The following RIPOR2 variants were observed in gnomAD, a reference collection of about 807,000 sequenced individuals.
RIPOR2 encodes the protein RHO family interacting cell polarization regulator 2.
A neutral mutation model predicts 114.5 loss-of-function variants in RIPOR2; 39 were observed. The ratio of observed to expected loss-of-function variants is 0.34; its 90% confidence interval spans 0.26 to 0.44. The LOEUF is 0.44. Ranked by LOEUF, RIPOR2 falls within the 20% of genes least tolerant of loss-of-function variation. RIPOR2 has a pLI of 1.00. For missense variants in RIPOR2, 1,007 were observed against 1,255.1 expected (o/e 0.80, Z 2.99); for synonymous variants, 445 against 484.4 (o/e 0.92, Z 1.07).
Position 25,023,803 on chromosome 6 carries a change from C to G in RIPOR2, c.76+18048G>C, listed in dbSNP as rs1180884622. On this transcript the variant is annotated intron_variant, in intron 1 of 13. Coordinates refer to the RIPOR2 transcript ENST00000510784. ...TGACGTTGGTCACCTTCACGGGGAC[C>G]CCTTTTTTAACTCGATCTCGAGGAT... is the stretch of plus-strand genomic sequence containing the variant. 5.2e-6 allele frequency: 4 copies of G among 771,246 alleles called. No homozygotes were observed. The East Asian group carries it at 9.9e-5, about 19-fold the overall frequency. The allele number at this position is 771,246 out of a possible 1,614,324, so 47.8% of individuals were successfully genotyped here.
intron 4 of RIPOR2, 73 bp downstream of exon 4, chr6:24,872,808 G>T: frequency 2.0e-6 from 2 of 991,786 alleles, no homozygotes; most frequent in Non-Finnish European, 3.2e-6. Flanking sequence ...TTCCTCCCCA[G>T]CCCCATCCAG....
At chr6:24,834,957 C>G (rs781241709) in intron 15 of RIPOR2, among the ~76,000 whole-genome samples, 13 of 152,192 alleles carry the variant, frequency 8.5e-5, no homozygotes, top group Non-Finnish European at 1.8e-4. Context: ...CATTCTCTTC[C>G]TGTTCCACAT....
chr6:24,908,612 C>A (rs1389202493), intron 1 of RIPOR2, among the ~76,000 whole-genome samples: 1 of 152,122 alleles, frequency 6.6e-6, no homozygotes, highest in Non-Finnish European at 1.5e-5. Context: ...ACTTTAGTGA[C>A]CTCAGATTTA....
At chr6:24,895,783 G>T (rs756072829) in intron 1 of RIPOR2, among the ~76,000 whole-genome samples, 1 of 152,130 alleles carries the variant, frequency 6.6e-6, no homozygotes, top group Non-Finnish European at 1.5e-5. Context: ...GAGGTCAGGA[G>T]ATCAAGACCA....
At chr6:25,025,663 C>G (rs1019654788) in intron 1 of RIPOR2, among the ~76,000 whole-genome samples, 6 of 152,080 alleles carry the variant, frequency 3.9e-5, no homozygotes, top group Non-Finnish European at 8.8e-5. Context: ...CTTGAGAAAA[C>G]CATACAAATT....
chr6:24,858,700 C>G lies in RIPOR2; in HGVS notation c.715+2273G>C, dbSNP rs1314852707. Among the ~76,000 whole-genome samples, 1 of 152,084 alleles carries G rather than the reference C, an allele frequency of 6.6e-6. No individual in the cohort carries two copies. The highest frequency in any genetic ancestry group is 2.4e-5 in the African/African-American group (1 of 41,408). On this transcript the variant is annotated intron_variant, in intron 8 of 21. Transcript: ENST00000643898. This position sits in a 1 kb window ranked among gnomAD's most constrained non-coding sequence, Gnocchi z 4.0. ...GCCTGAGAAACCCCATGGAAGAAAC[C>G]AAGCGTTCAGGTGGACTCTCAGGAA...
chr6:24,887,665 C>G (rs955279356), intron 1 of RIPOR2, among the ~76,000 whole-genome samples: 1 of 152,050 alleles, frequency 6.6e-6, no homozygotes, highest in Non-Finnish European at 1.5e-5. Flanking sequence ...CAGCAGAGTA[C>G]GTTGAAGCTA....
chr6:25,014,694 G>C (rs907926617), intron 1 of RIPOR2, among the ~76,000 whole-genome samples: 2 of 152,138 alleles, frequency 1.3e-5, no homozygotes, highest in African/African-American at 4.8e-5. Flanking sequence ...CAGCAGTAGT[G>C]GGAAGGACAA....
At chr6:24,977,092 AG>A in intron 1 of RIPOR2, 1 of 1,110,346 alleles carries the variant, frequency 9.0e-7, no homozygotes, top group Non-Finnish European at 1.3e-6. Flanking sequence ...CTCTTGCTGC[AG>A]TTCCCTTTGG....
intron 1 of RIPOR2, among the ~76,000 whole-genome samples, chr6:24,967,565 G>A (rs576773397): frequency 2.0e-5 from 3 of 152,122 alleles, no homozygotes; most frequent in African/African-American, 7.2e-5. Flanking sequence ...TGCCCTGGGT[G>A]CATTTCCCAT....
intron 15 of RIPOR2, 21 bp downstream of exon 15, chr6:24,835,682 C>A: frequency 1.3e-6 from 2 of 1,548,024 alleles, no homozygotes; most frequent in African/African-American, 1.4e-5. Context: ...ATCTCAAACA[C>A]AAATTCATCG....
At chr6:24,981,417 T>C (rs928465647) in intron 1 of RIPOR2, among the ~76,000 whole-genome samples, 2 of 152,200 alleles carry the variant, frequency 1.3e-5, no homozygotes, top group Admixed American at 1.3e-4. Context: ...GGAAAGGCTT[T>C]CTCTCTCCAC....
At chr6:24,964,169 G>GTGTT (rs1773425784) in intron 1 of RIPOR2, among the ~76,000 whole-genome samples, 1 of 151,868 alleles carries the variant, frequency 6.6e-6, no homozygotes. Context: ...GTGTGTGTGT[G>GTGTT]TGTGTGTGTG....
At chr6:24,932,786 C>T (rs1771503763) in intron 1 of RIPOR2, among the ~76,000 whole-genome samples, 1 of 152,194 alleles carries the variant, frequency 6.6e-6, no homozygotes, top group Non-Finnish European at 1.5e-5. Context: ...TAATAACAAG[C>T]TTCTGGGCAT....
At chr6:24,949,408 G>A (rs1053604343) in intron 1 of RIPOR2, among the ~76,000 whole-genome samples, 1 of 152,138 alleles carries the variant, frequency 6.6e-6, no homozygotes, top group African/African-American at 2.4e-5. Flanking sequence ...CTTACCAACG[G>A]TTATAAACCC....
intron 1 of RIPOR2, among the ~76,000 whole-genome samples, chr6:24,889,948 A>G (rs1767176360): frequency 6.6e-6 from 1 of 151,800 alleles, no homozygotes. Flanking sequence ...CTGGAGTGCA[A>G]TGGTGTGATC....
At position 25,005,720 on chromosome 6, in the gene RIPOR2, T is replaced by TAA. The variant is rs1775526898; in HGVS notation, c.76+36130_76+36131insTT. On this transcript the variant is annotated intron_variant, in intron 1 of 13. Transcript: ENST00000510784. ...ATATATATATATATATATATATATA[T>TAA]ATATATATATATATATATATACATT... Among the ~76,000 whole-genome samples the TAA allele has an allele frequency of 8.5e-5, 9 of 105,850 alleles. No individual in the cohort carries two copies. In the Admixed American group the frequency reaches 8.7e-4, roughly 10 times the overall value. The allele number at this position is 105,850 out of a possible 152,430, so 69.4% of individuals were successfully genotyped here.
intron 3 of RIPOR2, 100 bp from the exon 4 acceptor site, chr6:24,873,059 A>G: frequency 1.3e-6 from 1 of 791,244 alleles, no homozygotes; most frequent in South Asian, 1.6e-5. Flanking sequence ...TTAAGAATTG[A>G]ACCTTGCTCT....
At position 25,022,531 on chromosome 6, in the gene RIPOR2, C is replaced by CTTTTTTTTTTTTTTTTTTTTTTT. The variant is rs1561848668; in HGVS notation, c.76+19319_76+19320insAAAAAAAAAAAAAAAAAAAAAAA. Among the ~76,000 whole-genome samples the CTTTTTTTTTTTTTTTTTTTTTTT allele has an allele frequency of 8.8e-4, 57 of 64,510 alleles. 8 individuals are homozygous for CTTTTTTTTTTTTTTTTTTTTTTT. Among genetic ancestry groups the CTTTTTTTTTTTTTTTTTTTTTTT allele is most frequent in the Non-Finnish European group, 1.7e-3 (49 of 29,012 alleles). 42.3% of individuals were successfully genotyped at this position (64,510 alleles called of 152,430 possible). On this transcript the variant is annotated intron_variant, in intron 1 of 13. Transcript: ENST00000510784. ...CACATATAACTAATGTGGTACCTTC[C>CTTTTTTTTTTTTTTTTTTTTTTT]ATTTTTTTTTTTTTTTTTTTTTTTT...
Sources: gnomAD v4.1 joint callset for allele counts (sites outside exome capture counted in the v4.1 genomes callset) on GRCh38, gnomAD v4.1.1 for gene constraint, Gnocchi (gnomAD v3.1) non-coding constraint, MANE v1.5 for transcripts, NCBI Gene and HGNC (gene_info 2026-07-23, HGNC 2026-07-21) for gene names.